DGKB: variants seen among roughly 807,000 people sequenced by gnomAD.
DGKB encodes the protein 90 kDa diacylglycerol kinase.
In DGKB, 67 loss-of-function variants were observed where a neutral mutation model predicts 114.3. The ratio of observed to expected loss-of-function variants is 0.59; its 90% CI spans 0.48 to 0.72. The LOEUF is 0.72. Among genes scored for constraint, DGKB ranks in the 30% least tolerant of loss-of-function variants. The pLI is 0.00. For missense variants in DGKB, 907 were observed against 975.2 expected (o/e 0.93, Z 0.93); for synonymous variants, 398 against 323.1 (o/e 1.23, Z -2.49).
At chr7:14,777,759 T>C (rs1272940460) in intron 2 of DGKB, among the ~76,000 whole-genome samples, 3 of 152,216 alleles carry the variant, frequency 2.0e-5, no homozygotes, top group African/African-American at 2.4e-5. Context: ...ATTTAGAACA[T>C]ATTTCATCTG....
rs983252032 is a variant in DGKB, at chr7:14,148,986, T to C, written c.*145A>G. ...AATAAATTTTCTAATAGCTGAATTTTACATTAGCTTAGTAACAAAAACTGT... is the reference window on the plus strand; with the variant it reads ...AATAAATTTTCTAATAGCTGAATTTCACATTAGCTTAGTAACAAAAACTGT... On this transcript the variant is annotated 3_prime_UTR_variant, in exon 26 of 26. Transcript: ENST00000402815. 2 of 684,794 alleles carry C rather than the reference T, an allele frequency of 2.9e-6. No individual in the cohort carries two copies. Among genetic ancestry groups the C allele is most frequent in the Non-Finnish European group, 2.5e-6 (1 of 403,568 alleles). 42.4% of individuals were successfully genotyped at this position (684,794 alleles called of 1,614,324 possible).
chr7:14,739,182 C>T (rs528429661), intron 4 of DGKB, among the ~76,000 whole-genome samples: 19 of 152,254 alleles, frequency 1.2e-4, no homozygotes, highest in Middle Eastern at 3.4e-3. Context: ...AGGACACAGA[C>T]AAATGTCTAG....
At chr7:14,250,797 A>C (rs1231334985) in intron 23 of DGKB, among the ~76,000 whole-genome samples, 1 of 152,080 alleles carries the variant, frequency 6.6e-6, no homozygotes. Flanking sequence ...TTTGCTTTAT[A>C]TATTTAGGTG....
intron 23 of DGKB, among the ~76,000 whole-genome samples, chr7:14,212,768 T>C (rs1477947835): frequency 6.6e-6 from 1 of 152,196 alleles, no homozygotes; most frequent in Admixed American, 6.6e-5. Flanking sequence ...TACTTTTTTT[T>C]CTAAAGTACC....
intron 23 of DGKB, among the ~76,000 whole-genome samples, chr7:14,245,274 A>G (rs1440242049): frequency 6.6e-6 from 1 of 152,200 alleles, no homozygotes; most frequent in African/African-American, 2.4e-5. Context: ...AAGTGTACTA[A>G]AATCCCATAT....
At chr7:14,308,108 T>A (rs1260008201) in intron 23 of DGKB, among the ~76,000 whole-genome samples, 1 of 152,108 alleles carries the variant, frequency 6.6e-6, no homozygotes, top group Non-Finnish European at 1.5e-5. Flanking sequence ...TTTCTTTTTA[T>A]GTACTTCAAG....
chr7:14,410,871 A>C (rs902155941), intron 21 of DGKB, among the ~76,000 whole-genome samples: 1 of 152,186 alleles, frequency 6.6e-6, no homozygotes, highest in East Asian at 1.9e-4. Context: ...AAATATATAC[A>C]ATTTTATTAA....
chr7:14,766,852 T>C (rs1340333925), intron 2 of DGKB, among the ~76,000 whole-genome samples: 2 of 151,680 alleles, frequency 1.3e-5, no homozygotes, highest in Admixed American at 6.6e-5. Context: ...GGAAAAATAA[T>C]GTATCCCAAA....
intron 1 of DGKB, among the ~76,000 whole-genome samples, chr7:14,844,980 G>A (rs575247023): frequency 6.6e-6 from 1 of 151,796 alleles, no homozygotes; most frequent in African/African-American, 2.4e-5. Flanking sequence ...GGTAGCATGT[G>A]CCTGTAGTCC....
chr7:14,790,444 G>A (rs1840507269), intron 2 of DGKB, among the ~76,000 whole-genome samples: 1 of 127,088 alleles, frequency 7.9e-6, no homozygotes, highest in Non-Finnish European at 1.6e-5. Flanking sequence ...TTAAATATAA[G>A]ACCACATCCA....
intron 13 of DGKB, among the ~76,000 whole-genome samples, chr7:14,666,237 G>T (rs1284656256): frequency 6.6e-6 from 1 of 151,796 alleles, no homozygotes; most frequent in African/African-American, 2.4e-5. Context: ...ATCTTTTTTT[G>T]TTAAAATAGG....
At chr7:14,597,321 T>C (rs1335337271) in intron 17 of DGKB, among the ~76,000 whole-genome samples, 3 of 152,192 alleles carry the variant, frequency 2.0e-5, no homozygotes, top group African/African-American at 4.8e-5. Flanking sequence ...AATAATGTAA[T>C]TGGAGAATAA....
chr7:14,468,527 T>G lies in DGKB; in HGVS notation c.1835+9634A>C, dbSNP rs953517569. On this transcript the variant is annotated intron_variant, in intron 21 of 25. Transcript: ENST00000402815. The stretch of plus-strand genomic sequence containing the variant: ...TAAACTAAATTGATAGTTTACTTAT[T>G]ATGGACTAATTAAAATTATTATATA... Among the ~76,000 whole-genome samples, 4 of 151,578 alleles carry G rather than the reference T, an allele frequency of 2.6e-5. No homozygotes were observed. The East Asian group carries it at 5.8e-4, about 22-fold the overall frequency.
At chr7:14,622,854 G>A (rs1250972740) in intron 14 of DGKB, among the ~76,000 whole-genome samples, 3 of 152,112 alleles carry the variant, frequency 2.0e-5, no homozygotes, top group Non-Finnish European at 4.4e-5. Context: ...TCTGCAGTCT[G>A]CTGGAAAACT....
intron 23 of DGKB, among the ~76,000 whole-genome samples, chr7:14,286,160 A>G (rs1270699748): frequency 2.6e-5 from 4 of 152,076 alleles, no homozygotes; most frequent in African/African-American, 9.7e-5. Flanking sequence ...ACCATAAAGA[A>G]ATTTTAGGGA....
chr7:14,416,933 C>T (rs137892452), intron 21 of DGKB, among the ~76,000 whole-genome samples: 2,047 of 152,118 alleles, frequency 0.013, 21 homozygotes, highest in Non-Finnish European at 0.018. Context: ...ACAAGATTGT[C>T]GTCTGCTCCC....
chr7:14,278,157 T>C (rs978240251), intron 23 of DGKB, among the ~76,000 whole-genome samples: 11 of 152,162 alleles, frequency 7.2e-5, no homozygotes, highest in African/African-American at 2.4e-4. Context: ...TAAATTCTCA[T>C]GGACCCACAA....
intron 20 of DGKB, among the ~76,000 whole-genome samples, chr7:14,491,396 G>A (rs1366479141): frequency 1.3e-5 from 2 of 152,050 alleles, no homozygotes; most frequent in Non-Finnish European, 2.9e-5. Flanking sequence ...ACGTGGAACT[G>A]TGAATCCATT....
At chr7:14,409,877 A>G (rs1824580501) in intron 21 of DGKB, among the ~76,000 whole-genome samples, 2 of 152,130 alleles carry the variant, frequency 1.3e-5, no homozygotes, top group African/African-American at 4.8e-5. Context: ...TCTTAATAAC[A>G]CTATCTTTTC....
Sources: allele counts gnomAD v4.1 joint callset (sites outside exome capture counted in the v4.1 genomes callset), GRCh38; gene constraint gnomAD v4.1.1; transcripts MANE v1.5; gene names NCBI Gene and HGNC (gene_info 2026-07-23, HGNC 2026-07-21).